PPP1R42: variants seen among roughly 807,000 people sequenced by gnomAD.
PPP1R42 encodes the protein protein phosphatase 1 regulatory subunit 42, also known as leucine rich repeat containing 67.
PPP1R42 carries 34 observed loss-of-function variants against 31.0 expected under a neutral mutation model. The observed-to-expected ratio is 1.10, with a 90% CI of 0.83 to 1.46. PPP1R42 has a LOEUF of 1.46. PPP1R42 is among the 40% of genes most tolerant of loss of function. The probability of loss-of-function intolerance (pLI) is 0.00; values close to 1 mark genes in which losing one functional copy is unlikely to be tolerated. For missense variants in PPP1R42, 268 were observed against 303.0 expected (o/e 0.88, Z 0.86); for synonymous variants, 103 against 109.8 (o/e 0.94, Z 0.39).
Position 66,964,344 on chromosome 8 carries a change from TAG to T in PPP1R42, c.803-12_803-11del, listed in dbSNP as rs1814324057. 2.4e-6 allele frequency: 3 copies of T among 1,239,194 alleles called. No homozygotes were observed. In the East Asian group the frequency reaches 1.7e-4, roughly 70 times the overall value. 76.8% of individuals were successfully genotyped at this position (1,239,194 alleles called of 1,614,324 possible). The stretch of plus-strand genomic sequence containing the variant: ...CTTCAAAGAGAGATTCCTGTATTTA[TAG>T]AGAGGGAAAAAAAAGCATTAAATTA... On this transcript the variant is annotated splice_polypyrimidine_tract_variant and intron_variant, in intron 7 of 7. Coordinates refer to ENST00000685739, the MANE Select transcript of PPP1R42 (RefSeq NM_001364910.1).
chr8:66,998,586 A>C (rs1482192536), intron 5 of PPP1R42, among the ~76,000 whole-genome samples: 1 of 152,162 alleles, frequency 6.6e-6, no homozygotes. Flanking sequence ...GTGCAACTCT[A>C]AGGTTGAGTA....
At chr8:67,025,343 C>T (rs1318904389) in intron 1 of PPP1R42, among the ~76,000 whole-genome samples, 1 of 152,010 alleles carries the variant, frequency 6.6e-6, no homozygotes, top group African/African-American at 2.4e-5. Flanking sequence ...AACTCCTGGG[C>T]TCAAGTGATC....
At chr8:67,014,340 A>C (rs994278540) in intron 3 of PPP1R42, 86 bp downstream of exon 3, 17 of 735,938 alleles carry the variant, frequency 2.3e-5, no homozygotes, top group African/African-American at 7.4e-5. Context: ...AATTTAATGC[A>C]AAAAATGGAA....
intron 1 of PPP1R42, among the ~76,000 whole-genome samples, chr8:67,025,743 G>A (rs527730230): frequency 4.6e-5 from 7 of 152,242 alleles, no homozygotes; most frequent in South Asian, 4.1e-4. Flanking sequence ...GGTGGCTCAT[G>A]CCTGTAATCC....
rs201344339 is a variant in PPP1R42, at chr8:66,994,121, TC to T, written c.553-5605del. ...CAGAGATGAAGGCAGAGTTAGAGGA[TC>T]TTGGTGGTAAGGAGTCCTTGGCAGT... On this transcript the variant is annotated intron_variant, in intron 5 of 7. Transcript: ENST00000685739. Among the ~76,000 whole-genome samples, 65 of 152,258 alleles carry T rather than the reference TC, an allele frequency of 4.3e-4. No homozygotes were observed. In the East Asian group the frequency reaches 0.012, roughly 28 times the overall value.
chr8:66,988,303 G>T (rs888091953), intron 6 of PPP1R42, 97 bp downstream of exon 6: 1 of 1,277,372 alleles, frequency 7.8e-7, no homozygotes, highest in Non-Finnish European at 9.9e-7. Context: ...CACAGATCCA[G>T]ATGTCAGATT....
At chr8:67,013,217 G>A in intron 3 of PPP1R42, 121 bp from the exon 4 acceptor site, 1 of 705,776 alleles carries the variant, frequency 1.4e-6, no homozygotes, top group Non-Finnish European at 2.2e-6. Flanking sequence ...GTGGAATGTT[G>A]TGTTATATTG....
chr8:67,024,405 T>C (rs2129537253), intron 1 of PPP1R42, among the ~76,000 whole-genome samples: 1 of 152,064 alleles, frequency 6.6e-6, no homozygotes, highest in East Asian at 1.9e-4. Flanking sequence ...CTCTGCCTCC[T>C]GGGCTCAAGC....
intron 5 of PPP1R42, among the ~76,000 whole-genome samples, chr8:67,002,938 T>C (rs1281478155): frequency 1.3e-5 from 2 of 150,874 alleles, no homozygotes; most frequent in East Asian, 3.9e-4. Context: ...TTGGATCGCC[T>C]GAGGTCAGGA....
chr8:67,025,171 G>A (rs576605741), intron 1 of PPP1R42, among the ~76,000 whole-genome samples: 94 of 150,990 alleles, frequency 6.2e-4, no homozygotes, highest in Non-Finnish European at 1.1e-3. Context: ...TCTCAAACCC[G>A]TGGCCTCAAG....
At chr8:66,966,086 A>AT (rs1814373855) in intron 7 of PPP1R42, among the ~76,000 whole-genome samples, 2 of 152,106 alleles carry the variant, frequency 1.3e-5, no homozygotes, top group African/African-American at 4.8e-5. Context: ...AGTACATGTT[A>AT]TTTTTTAAGA....
chr8:66,984,044 A>G, intron 6 of PPP1R42: 1 of 1,279,948 alleles, frequency 7.8e-7, no homozygotes, highest in South Asian at 1.2e-5. Flanking sequence ...TTCTGAGATC[A>G]TACAAGTGGG....
rs141367333 is a variant in PPP1R42, at chr8:66,986,352, A to G, written c.670+2048T>C. Among the ~76,000 whole-genome samples, 286 of 152,252 alleles carry G rather than the reference A, an allele frequency of 1.9e-3. 1 individual carries two copies. Among genetic ancestry groups the G allele is most frequent in the Non-Finnish European group, 3.0e-3 (202 of 68,004 alleles). ...GCTCATCCAGCTCCCTCTTAGTGCC[A>G]TTTTTCAGGAAAAAGAATAGCTCAA... On this transcript the variant is annotated intron_variant, in intron 6 of 7. Transcript: ENST00000685739.
chr8:66,975,662 G>A (rs538726495), intron 7 of PPP1R42, among the ~76,000 whole-genome samples: 2 of 152,012 alleles, frequency 1.3e-5, no homozygotes, highest in African/African-American at 4.8e-5. Context: ...GATGGTTTTT[G>A]TTAGTTGGGG....
intron 6 of PPP1R42, chr8:66,984,555 T>C (rs928919306): frequency 3.2e-6 from 4 of 1,231,540 alleles, no homozygotes; most frequent in Non-Finnish European, 4.8e-6. Context: ...ATCTCAATCT[T>C]GAACTTCTTG....
chr8:67,004,234 G>A (rs369975077), intron 5 of PPP1R42, among the ~76,000 whole-genome samples: 1 of 152,182 alleles, frequency 6.6e-6, no homozygotes, highest in Non-Finnish European at 1.5e-5. Flanking sequence ...TCTGAATGCC[G>A]CAAGGCTCTA....
chr8:66,992,097 C>T (rs1004513762), intron 5 of PPP1R42, among the ~76,000 whole-genome samples: 2 of 152,180 alleles, frequency 1.3e-5, no homozygotes, highest in Non-Finnish European at 2.9e-5. Flanking sequence ...CATACTTTCC[C>T]AGTCTCAATT....
intron 5 of PPP1R42, among the ~76,000 whole-genome samples, chr8:67,008,203 ATAAAT>A (rs1044125404): frequency 1.3e-5 from 2 of 152,114 alleles, no homozygotes; most frequent in Non-Finnish European, 2.9e-5. Flanking sequence ...TGCCTAATTT[ATAAAT>A]TAAACTTTAT....
At chr8:67,001,278 T>C (rs1399032739) in intron 5 of PPP1R42, among the ~76,000 whole-genome samples, 5 of 150,840 alleles carry the variant, frequency 3.3e-5, no homozygotes, top group Admixed American at 3.3e-4. Context: ...CTCGAACTCC[T>C]GGGCTCAAGT....
Sources: allele counts gnomAD v4.1 joint callset (sites outside exome capture counted in the v4.1 genomes callset), GRCh38; gene constraint gnomAD v4.1.1; transcripts MANE v1.5; gene names NCBI Gene and HGNC (gene_info 2026-07-23, HGNC 2026-07-21).